SHANK2: variants seen among roughly 807,000 people sequenced by gnomAD.
The protein encoded by SHANK2 is SH3 and multiple ankyrin repeat domains 2.
Under a neutral mutation model 133.7 loss-of-function variants are expected in SHANK2, and 43 were observed. The ratio of observed to expected loss-of-function variants is 0.32; its 90% CI spans 0.25 to 0.41. The LOEUF (loss-of-function observed/expected upper bound fraction) is 0.41, where lower values mean the gene tolerates loss of function less well. SHANK2 is among the 10% of genes least tolerant of loss of function. The pLI, the probability that SHANK2 is intolerant of heterozygous loss-of-function variation, is 1.00. For synonymous variants in SHANK2, 1,017 were observed against 952.8 expected (o/e 1.07, Z -1.24); for missense variants, 1,994 against 2,235.8 (o/e 0.89, Z 2.18).
intron 14 of SHANK2, among the ~76,000 whole-genome samples, chr11:70,762,797 T>C (rs1947022712): frequency 6.6e-6 from 1 of 152,244 alleles, no homozygotes; most frequent in African/African-American, 2.4e-5. Flanking sequence ...CCTGGCCCTC[T>C]ACAGCGGCCA....
At position 70,468,556 on chromosome 11, in the gene SHANK2, C is replaced by G. The variant is rs1318456470; in HGVS notation, c.*4313G>C. The stretch of plus-strand genomic sequence containing the variant: ...CCAGTTATTAAAATGCCTCCAATTT[C>G]AAGTAAAAGAAAAAATCTTCCAATA... On this transcript the variant is annotated 3_prime_UTR_variant, in exon 26 of 26. Coordinates refer to ENST00000601538, the MANE Select transcript of SHANK2 (RefSeq NM_012309.5). 1 of 152,148 alleles carries G rather than the reference C, an allele frequency of 6.6e-6. No homozygotes were observed. The allele number at this position is 152,148 out of a possible 1,614,324, so 9.4% of individuals were successfully genotyped here.
chr11:71,075,541 G>A lies in SHANK2; in HGVS notation c.913-266C>T, dbSNP rs1211702814. Among the ~76,000 whole-genome samples the A allele has an allele frequency of 3.2e-4, 48 of 152,210 alleles. 1 individual carries two copies. Among genetic ancestry groups the A allele is most frequent in the Non-Finnish European group, 1.6e-4 (11 of 68,036 alleles). On this transcript the variant is annotated intron_variant, in intron 8 of 25. Coordinates refer to ENST00000601538, the MANE Select transcript of SHANK2 (RefSeq NM_012309.5). ...CTCAGTTGTGAGACAGAGGGTCTGG[G>A]AAGGGGCCCCAAAGTCCCTTCCATC...
intron 17 of SHANK2, among the ~76,000 whole-genome samples, chr11:70,550,938 C>T (rs2059757921): frequency 6.6e-6 from 1 of 152,188 alleles, no homozygotes; most frequent in African/African-American, 2.4e-5. Flanking sequence ...TGAGCAGACA[C>T]GTGTGGACCC....
intron 11 of SHANK2, among the ~76,000 whole-genome samples, chr11:70,891,253 G>A (rs1483026794): frequency 1.1e-4 from 17 of 152,196 alleles, no homozygotes; most frequent in African/African-American, 3.9e-4. Context: ...GGTGGCTCAC[G>A]CCTGTAATCC....
At chr11:71,137,578 T>C (rs1952470156) in intron 3 of SHANK2, among the ~76,000 whole-genome samples, 1 of 152,134 alleles carries the variant, frequency 6.6e-6, no homozygotes, top group South Asian at 2.1e-4. Flanking sequence ...ACAGAAGTTC[T>C]ATCGGTGCCA....
intron 13 of SHANK2, among the ~76,000 whole-genome samples, chr11:70,803,482 A>C (rs573534102): frequency 3.2e-5 from 4 of 125,142 alleles, no homozygotes; most frequent in Non-Finnish European, 6.9e-5. Flanking sequence ...TCCTGCCTGC[A>C]GAGGGTCTAC....
At chr11:70,781,558 T>TTATTTATATATA (rs71049941) in intron 14 of SHANK2, among the ~76,000 whole-genome samples, 669 of 29,008 alleles carry the variant, frequency 0.023, 43 homozygotes, top group South Asian at 0.096. Context: ...TACTTACTTA[T>TTATTTATATATA]TATATATATA....
At chr11:70,859,586 A>G (rs1250206630) in intron 11 of SHANK2, among the ~76,000 whole-genome samples, 1 of 152,128 alleles carries the variant, frequency 6.6e-6, no homozygotes, top group Admixed American at 6.5e-5. Context: ...AGAAAAGTGG[A>G]TGAATGACAT....
At chr11:70,670,450 G>A (rs2134324510) in intron 15 of SHANK2, among the ~76,000 whole-genome samples, 1 of 152,318 alleles carries the variant, frequency 6.6e-6, no homozygotes, top group South Asian at 2.1e-4. Flanking sequence ...CGGGCGCTTT[G>A]GCCGCCGGGT....
intron 11 of SHANK2, among the ~76,000 whole-genome samples, chr11:70,889,040 A>C (rs1319521058): frequency 6.6e-6 from 1 of 152,140 alleles, no homozygotes; most frequent in African/African-American, 2.4e-5. Context: ...GAGTGGGTGG[A>C]ATGGTGGTCC....
intron 11 of SHANK2, among the ~76,000 whole-genome samples, chr11:70,894,557 G>A (rs1590806439): frequency 6.6e-6 from 1 of 152,170 alleles, no homozygotes. Context: ...GGGTGGCTGT[G>A]ACTCCATGGG....
Position 70,486,336 on chromosome 11 carries a change from C to T in SHANK2, c.3957G>A (p.Val1319=), listed in dbSNP as rs1555153517. The T allele has an allele frequency of 1.2e-6, 2 of 1,613,836 alleles. No homozygotes were observed. The highest frequency in any genetic ancestry group is 2.7e-5 in the African/African-American group (2 of 74,926). The part of the protein sequence containing the change: ...KSAGLLMVHT[V]DATKLDNALQ... ...GGGCGTTGTCCAGCTTAGTGGCGTC[C>T]ACGGTGTGCACCATCAGCAGGCCAG... Residue 1319 remains valine (V), a synonymous_variant, in exon 25 of 26, where the codon GTG becomes GTA. Transcript: ENST00000601538. This position sits in a 1 kb window ranked among gnomAD's most constrained non-coding sequence, Gnocchi z 8.0.
In SHANK2 at chr11:71,235,674, G is replaced by A. The variant is rs183612174; in HGVS notation, c.-112-10878C>T. Among the ~76,000 whole-genome samples, 420 of 151,916 alleles carry A rather than the reference G, an allele frequency of 2.8e-3. 1 individual carries two copies. The highest frequency in any genetic ancestry group is 4.8e-3 in the Non-Finnish European group (324 of 67,980). On this transcript the variant is annotated intron_variant, in intron 1 of 25. Coordinates refer to ENST00000601538, the MANE Select transcript of SHANK2 (RefSeq NM_012309.5). ...GAACTAAAAAGAACCTCTCATTCTC[G>A]ACGGCTCACAAGGGTTCAGGATCCA...
intron 2 of SHANK2, among the ~76,000 whole-genome samples, chr11:71,151,845 C>T (rs550243851): frequency 1.3e-5 from 2 of 152,248 alleles, no homozygotes; most frequent in African/African-American, 2.4e-5. Flanking sequence ...GGAAGCCCCC[C>T]CTCAGTGGAC....
rs1197629723 is a variant in SHANK2 at position 70,951,408 on chromosome 11, T to C, written c.1108-54841A>G. 5.1e-5 allele frequency among the ~76,000 whole-genome samples: 6 copies of C among 118,130 alleles called. 1 individual carries two copies. The highest frequency in any genetic ancestry group is 1.9e-4 in the African/African-American group (5 of 25,696). 77.5% of individuals were successfully genotyped at this position (118,130 alleles called of 152,430 possible). A position where few individuals can be genotyped will look rare whatever the true frequency, so the allele number is the denominator to read the frequency against. On this transcript the variant is annotated intron_variant, in intron 10 of 25. Coordinates refer to ENST00000601538, the MANE Select transcript of SHANK2 (RefSeq NM_012309.5). Reference sequence around the variant, plus strand: ...AAATTCATTTCCCCTGGCTGTTGCATTGTGACATCATAAATTCATTTCCCC... The same window carrying C: ...AAATTCATTTCCCCTGGCTGTTGCACTGTGACATCATAAATTCATTTCCCC...
At chr11:71,170,367 A>G (rs1953289570) in intron 2 of SHANK2, among the ~76,000 whole-genome samples, 1 of 152,228 alleles carries the variant, frequency 6.6e-6, no homozygotes, top group African/African-American at 2.4e-5. Context: ...ATAATAATGA[A>G]TGACATTTAT....
chr11:70,781,463 T>G (rs1282030435), intron 14 of SHANK2, among the ~76,000 whole-genome samples: 1 of 149,082 alleles, frequency 6.7e-6, no homozygotes, highest in Non-Finnish European at 1.5e-5. Context: ...AAGGGACCAT[T>G]GCTTGGTCAT....
intron 9 of SHANK2, among the ~76,000 whole-genome samples, chr11:71,065,462 G>T (rs1171712611): frequency 1.8e-4 from 25 of 138,210 alleles, no homozygotes; most frequent in Admixed American, 9.4e-4. Context: ...GAAGTTGGGG[G>T]GTGTGTGCAG....
chr11:70,509,729 G>GTC (rs1401177208), intron 17 of SHANK2, among the ~76,000 whole-genome samples: 3 of 152,238 alleles, frequency 2.0e-5, no homozygotes, highest in African/African-American at 7.2e-5. Context: ...TCTGGGAAGT[G>GTC]ATTACATCAT....
Sources: gnomAD v4.1 joint callset for allele counts (sites outside exome capture counted in the v4.1 genomes callset) on GRCh38, gnomAD v4.1.1 for gene constraint, Gnocchi (gnomAD v3.1) non-coding constraint, MANE v1.5 for transcripts, NCBI Gene and HGNC (gene_info 2026-07-23, HGNC 2026-07-21) for gene names.